The following HDHD2 variants were observed in gnomAD, a reference collection of about 807,000 sequenced individuals.
The protein encoded by HDHD2 is haloacid dehalogenase-like hydrolase domain-containing protein 2.
A neutral mutation model predicts 24.8 loss-of-function variants in HDHD2; 26 were observed. The observed-to-expected ratio is 1.05, with a 90% confidence interval of 0.77 to 1.45. The LOEUF (loss-of-function observed/expected upper bound fraction) is 1.45, where lower values mean the gene tolerates loss of function less well. Ranked by LOEUF, HDHD2 falls within the 40% of genes most tolerant of loss-of-function variation. The pLI is 0.00. For missense variants in HDHD2, 299 were observed against 313.4 expected (o/e 0.95, Z 0.35); for synonymous variants, 128 against 114.9 (o/e 1.11, Z -0.73).
intron 1 of HDHD2, among the ~76,000 whole-genome samples, chr18:47,147,290 T>G (rs1447035281): frequency 6.6e-6 from 1 of 152,140 alleles, no homozygotes; most frequent in Non-Finnish European, 1.5e-5. Context: ...AACTGCAAAA[T>G]CCTACCTTCT....
intron 3 of HDHD2, 51 bp from the exon 4 acceptor site, chr18:47,130,379 T>C: frequency 7.9e-7 from 1 of 1,269,172 alleles, no homozygotes; most frequent in Non-Finnish European, 1.1e-6. Context: ...AAAAGCAATG[T>C]CACATTTTAA....
At chr18:47,133,219 C>T (rs1385129583) in intron 3 of HDHD2, among the ~76,000 whole-genome samples, 3 of 148,580 alleles carry the variant, frequency 2.0e-5, no homozygotes, top group Non-Finnish European at 3.0e-5. Flanking sequence ...TTGTTCAATT[C>T]CCACCTATGA....
intron 1 of HDHD2, chr18:47,150,077 C>A (rs2063914741): frequency 6.6e-6 from 1 of 152,394 alleles, no homozygotes; most frequent in African/African-American, 2.4e-5. Flanking sequence ...GGGACGCTAG[C>A]TCCAAAATAC....
chr18:47,111,162 T>C, intron 6 of HDHD2: 3 of 984,812 alleles, frequency 3.0e-6, no homozygotes, highest in Non-Finnish European at 3.6e-6. Context: ...TTAGTTGATT[T>C]ACTAATTACA....
intron 1 of HDHD2, among the ~76,000 whole-genome samples, chr18:47,140,941 AACC>A (rs1375234500): frequency 7.2e-5 from 11 of 152,216 alleles, no homozygotes; most frequent in Non-Finnish European, 1.0e-4. Context: ...AATAATTACC[AACC>A]ACAAGTGATA....
chr18:47,136,776 C>T (rs2063770724), intron 1 of HDHD2, among the ~76,000 whole-genome samples: 1 of 152,036 alleles, frequency 6.6e-6, no homozygotes, highest in African/African-American at 2.4e-5. Flanking sequence ...TATTTTTAAA[C>T]CTGAGAATAA....
rs776377121 is a variant in HDHD2, at chr18:47,108,702, T to C, written c.760A>G (p.Ile254Val). ...CESFPHAVDH[I>V]LQHLL ...CTGCTTCACAATAGGTGCTGCAGAATGTGGTCCACAGCATGAGGGAAACTC... is the reference window on the plus strand; with the variant it reads ...CTGCTTCACAATAGGTGCTGCAGAACGTGGTCCACAGCATGAGGGAAACTC... The change falls in exon 7 of 7, where the codon ATT (isoleucine) becomes GTT (valine). Residue 254 changes from isoleucine to valine, a missense_variant. By Grantham distance (29) the Ile-to-Val change is conservative. Transcript: ENST00000300605. 4.4e-6 allele frequency: 7 copies of C among 1,596,336 alleles called. No homozygotes were observed. Among genetic ancestry groups the C allele is most frequent in the African/African-American group, 2.7e-5 (2 of 74,452 alleles).
chr18:47,126,904 C>G (rs1167765472), intron 4 of HDHD2, among the ~76,000 whole-genome samples: 1 of 152,190 alleles, frequency 6.6e-6, no homozygotes, highest in East Asian at 1.9e-4. Context: ...GTGGCTCACG[C>G]CTGTAATCCC....
chr18:47,140,675 C>T (rs1048795752), intron 1 of HDHD2, among the ~76,000 whole-genome samples: 1 of 152,090 alleles, frequency 6.6e-6, no homozygotes, highest in East Asian at 1.9e-4. Flanking sequence ...TGCACCACCA[C>T]GCCTGGCTAA....
chr18:47,135,070 T>C (rs1167433519), intron 2 of HDHD2, among the ~76,000 whole-genome samples: 1 of 151,986 alleles, frequency 6.6e-6, no homozygotes, highest in East Asian at 1.9e-4. Flanking sequence ...GTCCACTGCT[T>C]CTCCACCTAT....
At chr18:47,121,718 C>T (rs1011782794) in intron 4 of HDHD2, among the ~76,000 whole-genome samples, 2 of 152,178 alleles carry the variant, frequency 1.3e-5, no homozygotes, top group South Asian at 4.1e-4. Context: ...TATCCCCAAC[C>T]CCGCATCTCC....
At chr18:47,122,588 A>C (rs1030860687) in intron 4 of HDHD2, among the ~76,000 whole-genome samples, 1 of 152,212 alleles carries the variant, frequency 6.6e-6, no homozygotes, top group Non-Finnish European at 1.5e-5. Flanking sequence ...ATACCAATCA[A>C]CTCAACAGAC....
At chr18:47,109,075 A>G in intron 6 of HDHD2, 1 of 342,952 alleles carries the variant, frequency 2.9e-6, no homozygotes, top group Middle Eastern at 7.8e-4. Context: ...AGCTGATGAA[A>G]TCATTTTCTT....
rs139558564 is a variant in HDHD2 at position 47,113,551 on chromosome 18, T to G, written c.613-511A>C. On this transcript the variant is annotated intron_variant, in intron 5 of 6. Transcript: ENST00000300605. ...AGACTCTGACTGTCTGATGTTCACT[T>G]CACACTTGGGAATAACAGATCAGTC... Among the ~76,000 whole-genome samples, 583 of 152,294 alleles carry G rather than the reference T, an allele frequency of 3.8e-3. 19 individuals carry two copies. The East Asian group carries it at 0.072, about 19-fold the overall frequency.
chr18:47,112,017 TG>T (rs938590463), intron 6 of HDHD2, among the ~76,000 whole-genome samples: 4 of 152,218 alleles, frequency 2.6e-5, no homozygotes, highest in African/African-American at 9.6e-5. Flanking sequence ...TATAAGAGTC[TG>T]GTGATGATTC....
intron 1 of HDHD2, among the ~76,000 whole-genome samples, chr18:47,145,420 T>C (rs1462375966): frequency 1.3e-5 from 2 of 152,324 alleles, no homozygotes; most frequent in Non-Finnish European, 2.9e-5. Flanking sequence ...TATTAGTACA[T>C]ATGGAGACGA....
At chr18:47,116,005 G>A (rs1387696780) in intron 4 of HDHD2, among the ~76,000 whole-genome samples, 1 of 152,102 alleles carries the variant, frequency 6.6e-6, no homozygotes, top group East Asian at 1.9e-4. Flanking sequence ...ACAGGACGAA[G>A]AATACTCTCA....
intron 4 of HDHD2, among the ~76,000 whole-genome samples, chr18:47,128,225 T>G (rs1206257994): frequency 1.3e-5 from 2 of 152,206 alleles, no homozygotes; most frequent in Admixed American, 6.5e-5. Context: ...AAAGTCAGTA[T>G]TATGTCAACA....
chr18:47,116,323 T>C (rs570018542), intron 4 of HDHD2, among the ~76,000 whole-genome samples: 2 of 152,342 alleles, frequency 1.3e-5, no homozygotes, highest in East Asian at 3.9e-4. Flanking sequence ...CTTTAAGTCA[T>C]CTACTTCGTT....
Sources: allele counts gnomAD v4.1 joint callset (sites outside exome capture counted in the v4.1 genomes callset), GRCh38; gene constraint gnomAD v4.1.1; transcripts MANE v1.5; gene names NCBI Gene and HGNC (gene_info 2026-07-23, HGNC 2026-07-21).